The following NF1 variants were observed in gnomAD, a reference collection of about 807,000 sequenced individuals.
NF1 encodes the protein neurofibromin 1, also known as neurofibromin.
A neutral mutation model predicts 325.7 loss-of-function variants in NF1; 122 were observed. That is an observed-to-expected ratio of 0.37 (90% CI 0.32 to 0.44). The LOEUF is 0.44. Among genes scored for constraint, NF1 ranks in the 20% least tolerant of loss-of-function variants. NF1 has a pLI of 1.00. For synonymous variants in NF1, 1,091 were observed against 1,186.0 expected, an observed-to-expected ratio of 0.92 and a Z score of 1.65; for missense variants, 2,140 against 3,415.4, an observed-to-expected ratio of 0.63 and a Z score of 9.31.
Position 31,374,172 on chromosome 17 carries a change from T to G in NF1, c.*17T>G. 1 of 1,613,972 alleles carries G rather than the reference T, an allele frequency of 6.2e-7. No individual in the cohort carries two copies. The highest frequency in any genetic ancestry group is 1.1e-5 in the South Asian group (1 of 91,088). On this transcript the variant is annotated 3_prime_UTR_variant, in exon 58 of 58. Transcript: ENST00000358273. ...ATCGTGTGAAGCTTGCTTGCTTTCT[T>G]TTTTAAAATCAACTTAACATGGGCT... is the stretch of plus-strand genomic sequence containing the variant.
intron 1 of NF1, among the ~76,000 whole-genome samples, chr17:31,152,519 T>C (rs1597621721): frequency 6.7e-6 from 1 of 148,752 alleles, no homozygotes; most frequent in Non-Finnish European, 1.5e-5. Flanking sequence ...TTCTTTTTTA[T>C]ATTACAACTT....
intron 50 of NF1, 53 bp from the exon 51 acceptor site, chr17:31,352,204 G>A (rs2070164152): frequency 1.3e-6 from 2 of 1,558,548 alleles, no homozygotes; most frequent in Non-Finnish European, 1.8e-6. Flanking sequence ...GCAAACGATG[G>A]TTGTATTTGT....
rs371599283 is a variant in NF1, at chr17:31,206,275, G to A, written c.1296G>A (p.Val432=). The A allele has an allele frequency of 3.7e-5, 59 of 1,613,718 alleles. No homozygotes were observed. The highest frequency in any genetic ancestry group is 4.4e-5 in the Non-Finnish European group (52 of 1,179,800). The change falls in exon 12 of 58, where the codon GTG becomes GTA. Residue 432 remains valine (V), a synonymous_variant. Coordinates refer to ENST00000358273, the MANE Select transcript of NF1 (RefSeq NM_001042492.3). ...ALDWWPKIDA[V]YCHSVELRNM... Reference sequence around the variant, plus strand: ...ATTGGTGGCCTAAGATTGATGCTGTGTATTGTCACTCGGTTGAACTTCGAA... The same window carrying A: ...ATTGGTGGCCTAAGATTGATGCTGTATATTGTCACTCGGTTGAACTTCGAA...
At chr17:31,148,361 C>G (rs1916717528) in intron 1 of NF1, among the ~76,000 whole-genome samples, 1 of 149,030 alleles carries the variant, frequency 6.7e-6, no homozygotes, top group South Asian at 2.1e-4. Flanking sequence ...GTGCTGCTAT[C>G]TGGTATGACA....
intron 36 of NF1, among the ~76,000 whole-genome samples, chr17:31,285,967 G>T (rs1239402870): frequency 6.6e-6 from 1 of 152,088 alleles, no homozygotes; most frequent in Non-Finnish European, 1.5e-5. Context: ...CAGAAAATGA[G>T]GTGTATCATG....
intron 36 of NF1, chr17:31,321,478 G>A (rs1052985292): frequency 1.3e-5 from 2 of 152,108 alleles, no homozygotes; most frequent in South Asian, 2.1e-4. Flanking sequence ...AAGAAAAGCC[G>A]TATATATATG....
intron 1 of NF1, among the ~76,000 whole-genome samples, chr17:31,132,369 G>A (rs568850544): frequency 5.5e-4 from 84 of 152,026 alleles, no homozygotes; most frequent in African/African-American, 1.8e-3. Flanking sequence ...TAGTGACACC[G>A]TTTCTACTAA....
intron 1 of NF1, among the ~76,000 whole-genome samples, chr17:31,131,908 A>G (rs1318518022): frequency 2.0e-5 from 3 of 148,980 alleles, no homozygotes; most frequent in African/African-American, 7.3e-5. Flanking sequence ...TTATTTTTTC[A>G]TGTTTTTTTT....
At chr17:31,305,296 T>C in intron 36 of NF1, 3 of 1,614,100 alleles carry the variant, frequency 1.9e-6, no homozygotes, top group Non-Finnish European at 2.5e-6. Flanking sequence ...TTGTTTGGTG[T>C]TGTAGGCAAG....
intron 1 of NF1, among the ~76,000 whole-genome samples, chr17:31,145,866 A>G (rs540160726): frequency 3.3e-5 from 5 of 152,312 alleles, no homozygotes; most frequent in Admixed American, 2.6e-4. Context: ...GACAGGAAAC[A>G]TGGTAGGAAG....
chr17:31,153,364 A>G (rs980658920), intron 1 of NF1, among the ~76,000 whole-genome samples: 4 of 152,264 alleles, frequency 2.6e-5, no homozygotes, highest in Non-Finnish European at 4.4e-5. Flanking sequence ...GAGCACTATC[A>G]TTACCACAGC....
chr17:31,353,171 A>C (rs1315186229), intron 51 of NF1, among the ~76,000 whole-genome samples: 1 of 152,158 alleles, frequency 6.6e-6, no homozygotes, highest in African/African-American at 2.4e-5. Flanking sequence ...GGCCTCCCAA[A>C]GTGCTGAGAT....
chr17:31,227,670 A>G lies in NF1; in HGVS notation c.2409+64A>G, dbSNP rs2151427824. 2.1e-6 allele frequency: 3 copies of G among 1,401,850 alleles called. No homozygotes were observed. In the Admixed American group the frequency reaches 5.1e-5, roughly 24 times the overall value. The allele number at this position is 1,401,850 out of a possible 1,614,324, so 86.8% of individuals were successfully genotyped here. A position where few individuals can be genotyped will look rare whatever the true frequency, so the allele number is the denominator to read the frequency against. ...TGCTAAATATATGTACTTCACTTTG[A>G]TAATCTTTCAAGAGTCGCTCAGTAA... On this transcript the variant is annotated intron_variant, in intron 20 of 57. Transcript: ENST00000358273.
At position 31,309,312 on chromosome 17, in the gene NF1, G is replaced by C. The variant is rs150111132; in HGVS notation, c.4836-16508G>C. ...TTGATTCCTTTCCATTTTAGTTTTT[G>C]CTTTTTACTAGTACTTCTACCAGAA... On this transcript the variant is annotated intron_variant, in intron 36 of 57. Coordinates refer to ENST00000358273, the MANE Select transcript of NF1 (RefSeq NM_001042492.3). 6.7e-3 allele frequency among the ~76,000 whole-genome samples: 1,016 copies of C among 152,166 alleles called. 17 individuals carry two copies. The highest frequency in any genetic ancestry group is 0.023 in the African/African-American group (952 of 41,526).
At chr17:31,119,848 A>G (rs1914279788) in intron 1 of NF1, among the ~76,000 whole-genome samples, 1 of 152,226 alleles carries the variant, frequency 6.6e-6, no homozygotes, top group Admixed American at 6.5e-5. Context: ...TTTTGCCAAC[A>G]TCATTTATTA....
chr17:31,250,199 G>T, intron 30 of NF1: 3 of 316,184 alleles, frequency 9.5e-6, no homozygotes, highest in East Asian at 5.4e-5. Context: ...TTTACAAAAA[G>T]GCTCAAGGAA....
chr17:31,316,884 G>C (rs1000699680), intron 36 of NF1, among the ~76,000 whole-genome samples: 2 of 151,950 alleles, frequency 1.3e-5, no homozygotes, highest in Admixed American at 1.3e-4. Context: ...TTTAATAATA[G>C]CTAGACGTTT....
At chr17:31,159,162 G>T in intron 3 of NF1, 69 bp downstream of exon 3, 1 of 1,087,750 alleles carries the variant, frequency 9.2e-7, no homozygotes, top group Non-Finnish European at 1.4e-6. Context: ...ATGTCCCAAA[G>T]TACAGATGTG....
chr17:31,363,000 G>T (rs2070432231), intron 57 of NF1, among the ~76,000 whole-genome samples: 1 of 152,132 alleles, frequency 6.6e-6, no homozygotes, highest in Non-Finnish European at 1.5e-5. Flanking sequence ...TTATGGCTTT[G>T]GTTCCAGTTT....
Sources: allele counts gnomAD v4.1 joint callset (sites outside exome capture counted in the v4.1 genomes callset), GRCh38; gene constraint gnomAD v4.1.1; transcripts MANE v1.5; gene names NCBI Gene and HGNC (gene_info 2026-07-23, HGNC 2026-07-21).